The following CCSER1 variants were observed in gnomAD, a reference collection of about 807,000 sequenced individuals.
CCSER1 encodes the protein serine-rich coiled-coil domain-containing protein 1.
CCSER1 carries 41 observed loss-of-function variants against 82.0 expected under a neutral mutation model. The ratio of observed to expected loss-of-function variants is 0.50; its 90% CI spans 0.39 to 0.65. The LOEUF (loss-of-function observed/expected upper bound fraction) is 0.65. Among genes scored for constraint, CCSER1 ranks in the 30% least tolerant of loss-of-function variants. CCSER1 has a pLI of 0.00. For missense variants in CCSER1, 1,119 were observed against 1,064.2 expected (o/e 1.05, Z -0.72); for synonymous variants, 414 against 383.9 (o/e 1.08, Z -0.92).
At chr4:90,705,246 C>T (rs1048350995) in intron 6 of CCSER1, among the ~76,000 whole-genome samples, 1 of 152,146 alleles carries the variant, frequency 6.6e-6, no homozygotes, top group African/African-American at 2.4e-5. Context: ...CACTCCAGAC[C>T]CTGTTTGCCT....
intron 9 of CCSER1, among the ~76,000 whole-genome samples, chr4:91,038,276 A>C (rs1317588102): frequency 6.6e-6 from 1 of 152,202 alleles, no homozygotes; most frequent in Non-Finnish European, 1.5e-5. Flanking sequence ...AATATTAGTC[A>C]AGTATGAAAC....
intron 1 of CCSER1, among the ~76,000 whole-genome samples, chr4:90,202,269 C>G (rs1737865977): frequency 1.3e-5 from 2 of 150,298 alleles, no homozygotes; most frequent in Non-Finnish European, 2.9e-5. Context: ...GTGGTGCTAT[C>G]TTGGCTCACT....
At chr4:90,407,995 C>T (rs1033232791) in intron 4 of CCSER1, among the ~76,000 whole-genome samples, 3 of 152,098 alleles carry the variant, frequency 2.0e-5, no homozygotes, top group Admixed American at 1.3e-4. Context: ...ATATCCCGCG[C>T]ATGGCTCAGA....
At chr4:90,299,608 CT>C (rs1391508762) in intron 1 of CCSER1, among the ~76,000 whole-genome samples, 1 of 152,056 alleles carries the variant, frequency 6.6e-6, no homozygotes, top group Non-Finnish European at 1.5e-5. Flanking sequence ...GCAGAAGTGG[CT>C]TTCGTCATTG....
At chr4:91,292,449 C>T (rs991013339) in intron 10 of CCSER1, among the ~76,000 whole-genome samples, 2 of 151,822 alleles carry the variant, frequency 1.3e-5, no homozygotes, top group African/African-American at 4.8e-5. Context: ...CGCTAGATTA[C>T]TCAGACAACC....
At chr4:90,911,176 T>G (rs1726284557) in intron 8 of CCSER1, 1 of 416,444 alleles carries the variant, frequency 2.4e-6, no homozygotes, top group Non-Finnish European at 4.7e-6. Flanking sequence ...GTTCTTTTTA[T>G]AAGTCTCCCT....
chr4:90,968,770 A>C (rs763714230), intron 9 of CCSER1, among the ~76,000 whole-genome samples: 17 of 152,038 alleles, frequency 1.1e-4, no homozygotes, highest in South Asian at 2.1e-4. Flanking sequence ...CATTGAACAC[A>C]AAAACTCAAG....
At chr4:91,561,288 T>C (rs1489096527) in intron 10 of CCSER1, among the ~76,000 whole-genome samples, 1 of 151,538 alleles carries the variant, frequency 6.6e-6, no homozygotes, top group Non-Finnish European at 1.5e-5. Context: ...CCTTGTTTTA[T>C]ACAGTTTTCA....
intron 7 of CCSER1, chr4:90,724,616 T>G (rs572579646): frequency 2.9e-6 from 1 of 343,680 alleles, no homozygotes; most frequent in South Asian, 2.4e-5. Flanking sequence ...GATCAACTAT[T>G]TTATGTTTGT....
intron 10 of CCSER1, among the ~76,000 whole-genome samples, chr4:91,360,132 A>G (rs1482016754): frequency 6.6e-6 from 1 of 151,784 alleles, no homozygotes; most frequent in African/African-American, 2.4e-5. Context: ...AAAATTTGAA[A>G]TTGAAAGAGT....
rs145542118 is a variant in CCSER1 at position 91,070,403 on chromosome 4, A to G, written c.2173-15547A>G. 2.0e-4 allele frequency among the ~76,000 whole-genome samples: 31 copies of G among 152,312 alleles called. 1 individual carries two copies. In the East Asian group the frequency reaches 4.8e-3, roughly 24 times the overall value. On this transcript the variant is annotated intron_variant, in intron 9 of 10. Transcript: ENST00000509176. Reference sequence around the variant, plus strand: ...ATTTCTAAACATTGCAAGTTAGTTTAGTTTTCACCCTGAAATAACCATTAT... The same window carrying G: ...ATTTCTAAACATTGCAAGTTAGTTTGGTTTTCACCCTGAAATAACCATTAT...
rs1287274679 is a variant in CCSER1, at chr4:91,242,146, G to A, written c.2217+156152G>A. Among the ~76,000 whole-genome samples the A allele has an allele frequency of 3.3e-5, 5 of 150,336 alleles. 1 individual carries two copies. The highest frequency in any genetic ancestry group is 1.2e-4 in the African/African-American group (5 of 41,056). Reference sequence around the variant, plus strand: ...AATTTAACATGAAACCAGATATTTGGAAAAAAAAAGGAAATGTGTTTGAGA... The same window carrying A: ...AATTTAACATGAAACCAGATATTTGAAAAAAAAAAGGAAATGTGTTTGAGA... On this transcript the variant is annotated intron_variant, in intron 10 of 10. Transcript: ENST00000509176.
At chr4:91,255,304 C>A (rs1320298031) in intron 10 of CCSER1, among the ~76,000 whole-genome samples, 1 of 151,990 alleles carries the variant, frequency 6.6e-6, no homozygotes, top group East Asian at 1.9e-4. Flanking sequence ...CTCTTATAAC[C>A]ATAGAGTGTA....
intron 5 of CCSER1, among the ~76,000 whole-genome samples, chr4:90,568,825 C>T (rs547086422): frequency 6.6e-6 from 1 of 150,926 alleles, no homozygotes; most frequent in African/African-American, 2.4e-5. Context: ...TGCAGTGGCA[C>T]CGTGCCGTGT....
intron 10 of CCSER1, among the ~76,000 whole-genome samples, chr4:91,295,774 T>G (rs890347069): frequency 6.6e-6 from 1 of 151,938 alleles, no homozygotes; most frequent in African/African-American, 2.4e-5. Flanking sequence ...GTTTTCCTAT[T>G]TGCTCTTTGG....
chr4:91,016,137 T>C (rs921599518), intron 9 of CCSER1, among the ~76,000 whole-genome samples: 2 of 152,004 alleles, frequency 1.3e-5, no homozygotes, highest in Non-Finnish European at 2.9e-5. Flanking sequence ...ATAATTATAG[T>C]TTTAATGTCA....
In CCSER1 at chr4:91,383,461, C is replaced by T. The variant is rs566132067; in HGVS notation, c.2218-215111C>T. On this transcript the variant is annotated intron_variant, in intron 10 of 10. Coordinates refer to ENST00000509176, the MANE Select transcript of CCSER1 (RefSeq NM_001145065.2). ...TAGGGAAACAGTACTCCTTTAAAGC[C>T]TCAACTTTGGGGCAAATTTTTTGAA... 1.2e-4 allele frequency among the ~76,000 whole-genome samples: 18 copies of T among 151,966 alleles called. 1 individual carries two copies. In the South Asian group the frequency reaches 3.1e-3, roughly 26 times the overall value.
intron 5 of CCSER1, among the ~76,000 whole-genome samples, chr4:90,537,476 G>A (rs1277997323): frequency 6.6e-6 from 1 of 151,860 alleles, no homozygotes; most frequent in Non-Finnish European, 1.5e-5. Flanking sequence ...AGGTCAATCA[G>A]CTCTTTTCCA....
chr4:90,661,112 A>G (rs1730693031), intron 6 of CCSER1, among the ~76,000 whole-genome samples: 1 of 152,172 alleles, frequency 6.6e-6, no homozygotes, highest in Non-Finnish European at 1.5e-5. Flanking sequence ...ATTCATTCAT[A>G]TTATGCAAAT....
Sources: gnomAD v4.1 joint callset for allele counts (sites outside exome capture counted in the v4.1 genomes callset) on GRCh38, gnomAD v4.1.1 for gene constraint, MANE v1.5 for transcripts, NCBI Gene and HGNC (gene_info 2026-07-23, HGNC 2026-07-21) for gene names.